Variants in ASXL3 observed in about 807,000 individuals in gnomAD.
The protein encoded by ASXL3 is ASXL transcriptional regulator 3, also known as putative Polycomb group protein ASXL3.
ASXL3 carries 34 observed loss-of-function variants against 170.6 expected under a neutral mutation model. That is an observed-to-expected ratio of 0.20 (90% CI 0.15 to 0.27). ASXL3 has a LOEUF of 0.27. ASXL3 is among the 10% of genes least tolerant of loss of function. The probability of loss-of-function intolerance (pLI) is 1.00; values close to 1 mark genes in which losing one functional copy is unlikely to be tolerated. For synonymous variants in ASXL3, 1,002 were observed against 989.1 expected, an observed-to-expected ratio of 1.01 and a Z score of -0.24; for missense variants, 2,592 against 2,695.3, an observed-to-expected ratio of 0.96 and a Z score of 0.85.
At chr18:33,622,004 T>C (rs1160130734) in intron 2 of ASXL3, among the ~76,000 whole-genome samples, 1 of 152,190 alleles carries the variant, frequency 6.6e-6, no homozygotes, top group Non-Finnish European at 1.5e-5. Flanking sequence ...CAGTAAAATA[T>C]AATGGTCTGA....
At chr18:33,736,394 G>C (rs138395982) in intron 10 of ASXL3, among the ~76,000 whole-genome samples, 1 of 152,026 alleles carries the variant, frequency 6.6e-6, no homozygotes, top group East Asian at 1.9e-4. Context: ...CACATCACTG[G>C]ACTTTTCTCT....
intron 5 of ASXL3, among the ~76,000 whole-genome samples, chr18:33,661,992 A>C (rs2066181805): frequency 1.3e-5 from 2 of 152,142 alleles, no homozygotes. Context: ...TTGTATTAAC[A>C]TTTTGTGTGT....
intron 4 of ASXL3, among the ~76,000 whole-genome samples, chr18:33,647,069 A>G (rs2065927147): frequency 6.6e-6 from 1 of 152,038 alleles, no homozygotes; most frequent in Non-Finnish European, 1.5e-5. Context: ...GACCCAGATC[A>G]TGATTTGAGA....
chr18:33,676,129 A>G (rs1028714909), intron 7 of ASXL3, among the ~76,000 whole-genome samples: 1 of 149,140 alleles, frequency 6.7e-6, no homozygotes. Context: ...GAGGGTGAGG[A>G]AGGAGAATGG....
chr18:33,650,888 T>C (rs1402378888), intron 4 of ASXL3, among the ~76,000 whole-genome samples: 1 of 152,170 alleles, frequency 6.6e-6, no homozygotes, highest in Non-Finnish European at 1.5e-5. Flanking sequence ...TGTGCTTCTA[T>C]GTATAGCTTA....
chr18:33,604,275 G>A (rs1568272891), intron 1 of ASXL3, among the ~76,000 whole-genome samples: 1 of 151,842 alleles, frequency 6.6e-6, no homozygotes, highest in Non-Finnish European at 1.5e-5. Context: ...ATATGTATTA[G>A]CAATAGAACG....
In ASXL3 at chr18:33,732,072, TG is replaced by T; in HGVS notation, c.976+9del. ...AACAGCGACTGGCAGAAGGTAAATT[TG>T]TATTTTCTATTATTATGTGACATAT... On this transcript the variant is annotated intron_variant, in intron 9 of 11. Coordinates refer to ENST00000269197, the MANE Select transcript of ASXL3 (RefSeq NM_030632.3). The T allele has an allele frequency of 6.2e-7, 1 of 1,606,688 alleles. No homozygotes were observed. Among genetic ancestry groups the T allele is most frequent in the Non-Finnish European group, 8.5e-7 (1 of 1,174,684 alleles).
chr18:33,675,362 T>A (rs2145264892), intron 7 of ASXL3, among the ~76,000 whole-genome samples: 1 of 152,310 alleles, frequency 6.6e-6, no homozygotes, highest in East Asian at 1.9e-4. Context: ...TTCTATTTTT[T>A]CCACCTGAGT....
intron 4 of ASXL3, among the ~76,000 whole-genome samples, chr18:33,648,375 G>A (rs1432019389): frequency 1.3e-5 from 2 of 152,064 alleles, no homozygotes; most frequent in Non-Finnish European, 2.9e-5. Flanking sequence ...AAATGTGAGT[G>A]TAAGATAGAG....
intron 8 of ASXL3, among the ~76,000 whole-genome samples, chr18:33,704,115 T>A (rs931618759): frequency 6.6e-6 from 1 of 152,170 alleles, no homozygotes; most frequent in Admixed American, 6.6e-5. Context: ...TGTATGCATA[T>A]TTCAATATGT....
rs1005761359 is a variant in ASXL3 at position 33,740,320 on chromosome 18, T to C, written c.2916T>C (p.Phe972=). 3.1e-6 allele frequency: 5 copies of C among 1,611,506 alleles called. No homozygotes were observed. The highest frequency in any genetic ancestry group is 4.2e-6 in the Non-Finnish European group (5 of 1,178,694). Residue 972 remains phenylalanine (F), a synonymous_variant, in exon 11 of 12, where the codon TTT becomes TTC. Transcript: ENST00000269197. ...GAAAAACTGCAGAGCAACACAGCTT[T>C]GGAATCTGTAAGGAAAAGAGAGCTA... ...SKRKTAEQHS[F]GICKEKRARI...
chr18:33,743,022 G>GGCCCGGGCCCAACAA lies in ASXL3; in HGVS notation c.3177_3191dup (p.Gln1063_Gln1067dup). On this transcript the variant is annotated inframe_insertion, in exon 12 of 12. Transcript: ENST00000269197. ...GAGCCAGGACCCTCGCAGATATCAA[G>GGCCCGGGCCCAACAA]GCCCGGGCCCAACAAGCTCGGGCCC... The GGCCCGGGCCCAACAA allele has an allele frequency of 1.9e-6, 3 of 1,613,818 alleles. No individual in the cohort carries two copies. The South Asian group carries it at 3.3e-5, about 18-fold the overall frequency.
chr18:33,698,491 A>G (rs1169822195), intron 8 of ASXL3, among the ~76,000 whole-genome samples: 6 of 152,270 alleles, frequency 3.9e-5, no homozygotes, highest in South Asian at 2.1e-4. Context: ...CTAATTGGCT[A>G]TACAGGTCTG....
At position 33,599,912 on chromosome 18, in the gene ASXL3, A is replaced by G. The variant is rs372615104; in HGVS notation, c.55-7682A>G. On this transcript the variant is annotated intron_variant, in intron 1 of 11. Transcript: ENST00000269197. ...ATCTGGAACTTTTAGTTGAGTGACAATGTGAGGTGGCTGCTGAAAAAAAGC... is the reference window on the plus strand; with the variant it reads ...ATCTGGAACTTTTAGTTGAGTGACAGTGTGAGGTGGCTGCTGAAAAAAAGC... Among the ~76,000 whole-genome samples, 43 of 152,276 alleles carry G rather than the reference A, an allele frequency of 2.8e-4. 1 individual carries two copies. In the South Asian group the frequency reaches 7.5e-3, roughly 26 times the overall value.
intron 2 of ASXL3, among the ~76,000 whole-genome samples, chr18:33,608,178 G>A (rs1304932700): frequency 1.3e-5 from 2 of 151,852 alleles, no homozygotes; most frequent in Non-Finnish European, 2.9e-5. Context: ...ACAGTTTAGT[G>A]GGTTATGTTA....
chr18:33,628,225 G>A lies in ASXL3; in HGVS notation c.138-16669G>A, dbSNP rs188147352. 4.8e-3 allele frequency among the ~76,000 whole-genome samples: 735 copies of A among 152,198 alleles called. 4 individuals are homozygous for A. Among genetic ancestry groups the A allele is most frequent in the Non-Finnish European group, 8.1e-3 (553 of 68,016 alleles). Reference sequence around the variant, plus strand: ...GGTATCTTGCCTAACTTCACACAATGATAAGTGGAAAGATCTATTATTTGG... The same window carrying A: ...GGTATCTTGCCTAACTTCACACAATAATAAGTGGAAAGATCTATTATTTGG... On this transcript the variant is annotated intron_variant, in intron 2 of 11. Coordinates refer to ENST00000269197, the MANE Select transcript of ASXL3 (RefSeq NM_030632.3).
intron 8 of ASXL3, among the ~76,000 whole-genome samples, chr18:33,713,491 G>T (rs1428728878): frequency 6.6e-6 from 1 of 151,836 alleles, no homozygotes; most frequent in East Asian, 1.9e-4. Flanking sequence ...GACCTCAAGT[G>T]GTCCACCCCC....
At chr18:33,728,320 G>A (rs2067382248) in intron 8 of ASXL3, among the ~76,000 whole-genome samples, 1 of 152,116 alleles carries the variant, frequency 6.6e-6, no homozygotes. Flanking sequence ...TCCACAATGA[G>A]TAACTCTTTC....
intron 10 of ASXL3, 75 bp downstream of exon 10, chr18:33,734,490 C>A: frequency 1.1e-6 from 1 of 878,438 alleles, no homozygotes; most frequent in East Asian, 2.8e-5. Context: ...ACATAGCACA[C>A]TCATATGCTG....
Sources: gnomAD v4.1 joint callset for allele counts (sites outside exome capture counted in the v4.1 genomes callset) on GRCh38, gnomAD v4.1.1 for gene constraint, MANE v1.5 for transcripts, NCBI Gene and HGNC (gene_info 2026-07-23, HGNC 2026-07-21) for gene names.